The following SLC14A1 variants were observed in gnomAD, a reference collection of about 807,000 sequenced individuals.
SLC14A1 encodes the protein solute carrier family 14 member 1 (Kidd blood group).
In SLC14A1, 36 loss-of-function variants were observed where a neutral mutation model predicts 39.6. That is an observed-to-expected ratio of 0.91 (90% CI 0.70 to 1.20). The LOEUF (loss-of-function observed/expected upper bound fraction) is 1.20. Ranked by LOEUF, SLC14A1 falls within the 50% of genes most tolerant of loss-of-function variation. The pLI, the probability that SLC14A1 is intolerant of heterozygous loss-of-function variation, is 0.00. For synonymous variants in SLC14A1, 164 were observed against 173.6 expected, an observed-to-expected ratio of 0.94 and a Z score of 0.43; for missense variants, 469 against 478.7, an observed-to-expected ratio of 0.98 and a Z score of 0.19.
rs113578396 is a variant in SLC14A1, at chr18:45,730,348, G to A, written c.28G>A (p.Val10Met). The A allele has an allele frequency of 4.3e-3, 6,879 of 1,613,198 alleles. 152 individuals carry two copies. In the African/African-American group the frequency reaches 0.059, roughly 14 times the overall value. Residue 10 changes from valine to methionine, a missense_variant, in exon 3 of 10, where the codon GTG (valine) becomes ATG (methionine). Coordinates refer to ENST00000321925, the MANE Select transcript of SLC14A1 (RefSeq NM_015865.7). The stretch of plus-strand genomic sequence containing the variant: ...GGAGGACAGCCCCACTATGGTTAGA[G>A]TGGACAGCCCCACTATGGTTAGGGG... MEDSPTMVR[V>M]DSPTMVRGEN...
intron 4 of SLC14A1, 153 bp downstream of exon 4, chr18:45,731,357 G>A (rs980888242): frequency 1.3e-5 from 10 of 757,424 alleles, no homozygotes; most frequent in Non-Finnish European, 2.1e-5. Flanking sequence ...CAGAGGTCAG[G>A]GAATCAGTTA....
chr18:45,727,413 G>T, intron 2 of SLC14A1: 1 of 1,547,644 alleles, frequency 6.5e-7, no homozygotes, highest in South Asian at 1.2e-5. Context: ...TGGGTCGCAG[G>T]AACAGGTATG....
At chr18:45,739,898 C>T in intron 8 of SLC14A1, 2 of 579,930 alleles carry the variant, frequency 3.4e-6, no homozygotes, top group Non-Finnish European at 6.1e-6. Context: ...ATATTAATAT[C>T]CTAAAACATG....
chr18:45,733,991 C>T, intron 4 of SLC14A1: 1 of 403,390 alleles, frequency 2.5e-6, no homozygotes, highest in Non-Finnish European at 4.7e-6. Flanking sequence ...AATCATCCCC[C>T]ATTCCCCATC....
In SLC14A1 at chr18:45,739,557, A is replaced by C; in HGVS notation, c.841A>C (p.Ile281Leu). 6.2e-7 allele frequency: 1 copy of C among 1,614,106 alleles called. No homozygotes were observed. The highest frequency in any genetic ancestry group is 8.5e-7 in the Non-Finnish European group (1 of 1,179,996). Residue 281 changes from isoleucine (I) to leucine (L), a missense_variant, in exon 8 of 10, where the codon ATC (isoleucine) becomes CTC (leucine). Ile to Leu is a conservative substitution (Grantham distance 5). Coordinates refer to ENST00000321925, the MANE Select transcript of SLC14A1 (RefSeq NM_015865.7). ...GLSLSAPFED[I>L]YFGLWGFNSS... is the part of the protein sequence containing the mutation. ...CAGTCTTTCAGCCCCATTTGAGGAC[A>C]TCTACTTTGGACTCTGGGGTTTCAA...
At position 45,752,105 on chromosome 18, in the gene SLC14A1, C is replaced by A; in HGVS notation, c.*2154C>A. 1 of 985,388 alleles carries A rather than the reference C, an allele frequency of 1.0e-6. No homozygotes were observed. Among genetic ancestry groups the A allele is most frequent in the Non-Finnish European group, 1.2e-6 (1 of 829,924 alleles). 61.0% of individuals were successfully genotyped at this position (985,388 alleles called of 1,614,324 possible). On this transcript the variant is annotated 3_prime_UTR_variant, in exon 10 of 10. Coordinates refer to ENST00000321925, the MANE Select transcript of SLC14A1 (RefSeq NM_015865.7). ...AGCCTTTGGAACTATGAATTTGCAA[C>A]TGTCATAGGTTTATGGATATTGCTG...
intron 2 of SLC14A1, chr18:45,727,354 G>C: frequency 6.4e-7 from 1 of 1,551,610 alleles, no homozygotes; most frequent in Non-Finnish European, 8.7e-7. Flanking sequence ...ACTAAAGCTG[G>C]TGACGCAGCG....
intron 2 of SLC14A1, chr18:45,729,834 T>C (rs1276019260): frequency 6.6e-6 from 1 of 152,554 alleles, no homozygotes; most frequent in African/African-American, 2.4e-5. Context: ...AGGCTACCTG[T>C]CTTGGCAAGT....
intron 2 of SLC14A1, chr18:45,729,244 C>A (rs1252759528): frequency 6.6e-6 from 1 of 152,322 alleles, no homozygotes; most frequent in East Asian, 1.9e-4. Flanking sequence ...TCCCAATTGA[C>A]CTGGCTGTGC....
intron 8 of SLC14A1, among the ~76,000 whole-genome samples, chr18:45,747,834 A>C (rs907147494): frequency 1.3e-4 from 20 of 152,186 alleles, no homozygotes; most frequent in African/African-American, 4.8e-4. Flanking sequence ...TATTTTGTAA[A>C]CATGGTTTTG....
chr18:45,730,246 T>A (rs903457962), intron 2 of SLC14A1, 54 bp from the exon 3 acceptor site: 9 of 1,554,060 alleles, frequency 5.8e-6, no homozygotes, highest in Admixed American at 1.9e-5. Context: ...CAAAGCTGGC[T>A]AATCTGGAGG....
chr18:45,744,739 C>A (rs781224222), intron 8 of SLC14A1, among the ~76,000 whole-genome samples: 52 of 152,134 alleles, frequency 3.4e-4, no homozygotes, highest in Non-Finnish European at 6.5e-4. Context: ...TTTGTCAAAT[C>A]TTTTCAATTT....
chr18:45,748,306 A>C, intron 8 of SLC14A1, 70 bp from the exon 9 acceptor site: 8 of 1,490,524 alleles, frequency 5.4e-6, no homozygotes, highest in Non-Finnish European at 7.5e-6. Flanking sequence ...TTATATTGGA[A>C]GGCAGCCTTT....
intron 6 of SLC14A1, among the ~76,000 whole-genome samples, chr18:45,737,920 C>T (rs28898877): frequency 6.6e-6 from 1 of 152,204 alleles, no homozygotes; most frequent in African/African-American, 2.4e-5. Context: ...TCTGAATGAA[C>T]AGCCCATCCT....
intron 1 of SLC14A1, 86 bp downstream of exon 1, chr18:45,724,359 T>C (rs2046807710): frequency 2.0e-5 from 3 of 152,256 alleles, no homozygotes; most frequent in Admixed American, 6.5e-5. Context: ...GCTCTTTTTC[T>C]TAATGAAGAA....
chr18:45,724,454 T>A (rs1223539567), intron 1 of SLC14A1, among the ~76,000 whole-genome samples, 181 bp downstream of exon 1: 1 of 152,240 alleles, frequency 6.6e-6, no homozygotes, highest in Non-Finnish European at 1.5e-5. Context: ...AGCCACAGGC[T>A]TCTTCCTGGA....
chr18:45,749,320 G>A (rs1408116162), intron 9 of SLC14A1, among the ~76,000 whole-genome samples: 1 of 152,102 alleles, frequency 6.6e-6, no homozygotes, highest in Non-Finnish European at 1.5e-5. Flanking sequence ...GGAACTTAGA[G>A]TCTATTTGGG....
At chr18:45,736,357 C>A in intron 5 of SLC14A1, 99 bp from the exon 6 acceptor site, 2 of 1,126,110 alleles carry the variant, frequency 1.8e-6, no homozygotes, top group Non-Finnish European at 2.7e-6. Context: ...ACGTAAGGGG[C>A]CTGTTGGCAG....
rs1162826040 is a variant in SLC14A1, at chr18:45,749,861, C to T, written c.1080C>T (p.Tyr360=). 6.2e-7 allele frequency: 1 copy of T among 1,614,144 alleles called. No homozygotes were observed. The highest frequency in any genetic ancestry group is 8.5e-7 in the Non-Finnish European group (1 of 1,180,028). ...LIMTTKNSNI[Y]KMPLSKVTYP... is the part of the protein sequence containing the mutation. ...TGACCACAAAAAATTCCAACATCTA[C>T]AAGATGCCCCTCAGTAAAGTTACTT... The change falls in exon 10 of 10, where the codon TAC becomes TAT. Residue 360 remains tyrosine, a synonymous_variant. Transcript: ENST00000321925.
Sources: gnomAD v4.1 joint callset for allele counts (sites outside exome capture counted in the v4.1 genomes callset) on GRCh38, gnomAD v4.1.1 for gene constraint, MANE v1.5 for transcripts, NCBI Gene and HGNC (gene_info 2026-07-23, HGNC 2026-07-21) for gene names.